The following IL4R variants were observed in gnomAD, a reference collection of about 807,000 sequenced individuals.
The protein encoded by IL4R is interleukin-4 receptor subunit alpha.
Under a neutral mutation model 41.5 loss-of-function variants are expected in IL4R, and 17 were observed. That is an observed-to-expected ratio of 0.41 (90% CI 0.28 to 0.61). The LOEUF is 0.61. Ranked by LOEUF, IL4R falls within the 20% of genes least tolerant of loss-of-function variation. IL4R has a pLI of 0.31. For synonymous variants in IL4R, 402 were observed against 422.9 expected, an observed-to-expected ratio of 0.95 and a Z score of 0.61; for missense variants, 974 against 1,043.1, an observed-to-expected ratio of 0.93 and a Z score of 0.91.
At chr16:27,332,012 C>T (rs2085123461) in intron 2 of IL4R, among the ~76,000 whole-genome samples, 1 of 151,962 alleles carries the variant, frequency 6.6e-6, no homozygotes, top group Non-Finnish European at 1.5e-5. Context: ...GGATCTTTCT[C>T]TGTTGCCCAG....
At chr16:27,336,045 A>G (rs1302208470) in intron 2 of IL4R, among the ~76,000 whole-genome samples, 1 of 152,148 alleles carries the variant, frequency 6.6e-6, no homozygotes. Flanking sequence ...GAGTGTGTTT[A>G]TGTGTCTCAT....
chr16:27,363,321 C>T lies in IL4R; in HGVS notation c.1969C>T (p.Leu657=). The T allele has an allele frequency of 1.2e-6, 2 of 1,612,766 alleles. No homozygotes were observed. Among genetic ancestry groups the T allele is most frequent in the South Asian group, 1.1e-5 (1 of 90,816 alleles). Residue 657 remains leucine (L), a synonymous_variant, in exon 11 of 11, where the codon CTG becomes TTG. Coordinates refer to ENST00000395762, the MANE Select transcript of IL4R (RefSeq NM_000418.4). ...CCCTGTCCCCTTGTTCACCTTTGGA[C>T]TGGACAGGGAGCCACCTCGCAGTCC... The part of the protein sequence containing the change: ...PVPVPLFTFG[L]DREPPRSPQS...
intron 1 of IL4R, among the ~76,000 whole-genome samples, chr16:27,320,363 T>C (rs1349510087): frequency 6.6e-6 from 1 of 152,220 alleles, no homozygotes; most frequent in Non-Finnish European, 1.5e-5. Context: ...ATACATGTAA[T>C]GTGCTTGAAT....
intron 1 of IL4R, among the ~76,000 whole-genome samples, chr16:27,328,788 G>A (rs1448891587): frequency 6.6e-6 from 1 of 152,060 alleles, no homozygotes; most frequent in Non-Finnish European, 1.5e-5. Context: ...ATATTGAGGT[G>A]GCTATTTCAC....
At chr16:27,352,720 A>G in intron 7 of IL4R, 24 bp downstream of exon 7, 2 of 1,609,486 alleles carry the variant, frequency 1.2e-6, no homozygotes, top group Non-Finnish European at 1.7e-6. Context: ...GGCCTAAGCA[A>G]TGGTAATCTC....
At position 27,345,487 on chromosome 16, in the gene IL4R, C is replaced by T; in HGVS notation, c.361+467C>T. 1 of 294,850 alleles carries T rather than the reference C, an allele frequency of 3.4e-6. No individual in the cohort carries two copies. The highest frequency in any genetic ancestry group is 8.2e-5 in the East Asian group (1 of 12,188). The allele number at this position is 294,850 out of a possible 1,614,324, so 18.3% of individuals were successfully genotyped here. A position where few individuals can be genotyped will look rare whatever the true frequency, so the allele number is the denominator to read the frequency against. On this transcript the variant is annotated intron_variant, in intron 5 of 10. Transcript: ENST00000395762. The surrounding 1 kb of genome is among the most constrained non-coding windows in gnomAD (Gnocchi z 4.5). ...GGGCTGTGGTGACAGGAGTTTAAAA[C>T]ATGCGTTGTATTCCAGTGATGCATG...
In IL4R at chr16:27,352,570, C is replaced by A; in HGVS notation, c.544C>A (p.Pro182Thr). The A allele has an allele frequency of 6.2e-7, 1 of 1,614,184 alleles. No homozygotes were observed. Residue 182 changes from proline to threonine, a missense_variant, in exon 7 of 11, where the codon CCC becomes ACC. By Grantham distance (38) the Pro-to-Thr change is conservative (BLOSUM62 -1). Around this residue, in one of 3 missense-constraint regions of IL4R, gnomAD observed 284 missense variants for 313.4 expected, o/e 0.91. Coordinates refer to ENST00000395762, the MANE Select transcript of IL4R (RefSeq NM_000418.4). Reference protein sequence around the residue: ...FRIYNVTYLEPSLRIAASTLK... With the variant: ...FRIYNVTYLETSLRIAASTLK... The stretch of plus-strand genomic sequence containing the variant: ...AATCTATAACGTGACCTACCTAGAA[C>A]CCTCCCTCCGCATCGCAGCCAGCAC...
At chr16:27,342,010 A>G (rs1277725658) in intron 3 of IL4R, 111 bp from the exon 4 acceptor site, 8 of 1,235,236 alleles carry the variant, frequency 6.5e-6, no homozygotes, top group Non-Finnish European at 7.9e-6. Context: ...GCTGGCCCTC[A>G]ACTTTGCCTG....
chr16:27,360,705 C>G (rs368332343), intron 9 of IL4R, 61 bp from the exon 10 acceptor site: 1 of 1,609,854 alleles, frequency 6.2e-7, no homozygotes, highest in Non-Finnish European at 8.5e-7. Context: ...TGAGCATTGC[C>G]GTACTCCAGG....
At chr16:27,351,469 A>T in intron 6 of IL4R, among the ~76,000 whole-genome samples, 1 of 148,158 alleles carries the variant, frequency 6.7e-6, no homozygotes, top group South Asian at 2.2e-4. Context: ...GGGCCATCTT[A>T]GGTTTGTCTG....
chr16:27,344,042 C>T (rs932272344), intron 4 of IL4R, among the ~76,000 whole-genome samples: 7 of 152,024 alleles, frequency 4.6e-5, no homozygotes, highest in Admixed American at 2.0e-4. Context: ...TGGTGGCTCG[C>T]GGCTGTAATC....
At position 27,347,549 on chromosome 16, in the gene IL4R, C is replaced by T. The variant is rs2085695020; in HGVS notation, c.513+931C>T. Among the ~76,000 whole-genome samples the T allele has an allele frequency of 3.3e-5, 5 of 152,216 alleles. No homozygotes were observed. In the South Asian group the frequency reaches 1.0e-3, roughly 32 times the overall value. ...TCTTTAAAAAGGGCGAGAGGATTTA[C>T]AGGAAACTATCAGGTCAGTAATGGC... is the stretch of plus-strand genomic sequence containing the variant. On this transcript the variant is annotated intron_variant, in intron 6 of 10. Transcript: ENST00000395762.
Position 27,314,009 on chromosome 16 carries a change from A to AGGGGCGCGCAGGTAGGATCC in IL4R, c.-157_-152+14dup, listed in dbSNP as rs2084546841. ...TGGGCGCCCGGACGGCGAATGGAGC[A>AGGGGCGCGCAGGTAGGATCC]GGGGCGCGCAGGTAGGATCCGGGGC... is the stretch of plus-strand genomic sequence containing the variant. On this transcript the variant is annotated 5_prime_UTR_variant, in exon 1 of 11. It removes the in-frame stop codon of an upstream open reading frame in the 5' UTR. Coordinates refer to ENST00000395762, the MANE Select transcript of IL4R (RefSeq NM_000418.4). 1.0e-6 allele frequency: 1 copy of AGGGGCGCGCAGGTAGGATCC among 984,526 alleles called. No homozygotes were observed. Among genetic ancestry groups the AGGGGCGCGCAGGTAGGATCC allele is most frequent in the African/African-American group, 1.8e-5 (1 of 57,010 alleles). 61.0% of individuals were successfully genotyped at this position (984,526 alleles called of 1,614,324 possible). A position where few individuals can be genotyped will look rare whatever the true frequency, so the allele number is the denominator to read the frequency against.
intron 7 of IL4R, 39 bp downstream of exon 7, chr16:27,352,735 C>A (rs779322387): frequency 6.3e-7 from 1 of 1,594,478 alleles, no homozygotes; most frequent in East Asian, 2.2e-5. Flanking sequence ...AATCTCCACT[C>A]TCCATTCTTC....
intron 1 of IL4R, among the ~76,000 whole-genome samples, chr16:27,329,195 C>T (rs56147358): frequency 6.6e-6 from 1 of 152,048 alleles, no homozygotes; most frequent in Non-Finnish European, 1.5e-5. Flanking sequence ...TTGCCTTCCC[C>T]GTGAATAAAA....
At chr16:27,314,369 C>CCTGCG (rs1455207060) in intron 1 of IL4R, 2 of 152,612 alleles carry the variant, frequency 1.3e-5, no homozygotes, top group Non-Finnish European at 2.9e-5. Flanking sequence ...GGCGCCCAGC[C>CCTGCG]CTGCGCTCAG....
At chr16:27,340,927 G>A in intron 3 of IL4R, 1 of 386,848 alleles carries the variant, frequency 2.6e-6, no homozygotes, top group East Asian at 6.2e-5. Context: ...TGGCGGGAGG[G>A]TTGAGCACAG....
chr16:27,317,256 T>G (rs751972687), intron 1 of IL4R, among the ~76,000 whole-genome samples: 2 of 152,228 alleles, frequency 1.3e-5, no homozygotes, highest in Non-Finnish European at 2.9e-5. Context: ...GGTTGGGATT[T>G]AGTCCACTCA....
At chr16:27,342,916 A>C (rs1371069718) in intron 4 of IL4R, among the ~76,000 whole-genome samples, 2 of 152,210 alleles carry the variant, frequency 1.3e-5, no homozygotes. Flanking sequence ...AGTGAGAGAG[A>C]GTGAAAAGGC....
Sources: gnomAD v4.1 joint callset for allele counts (sites outside exome capture counted in the v4.1 genomes callset) on GRCh38, gnomAD v4.1.1 for gene constraint, gnomAD v4.1.1 regional missense constraint, Gnocchi (gnomAD v3.1) non-coding constraint, MANE v1.5 for transcripts, NCBI Gene and HGNC (gene_info 2026-07-23, HGNC 2026-07-21) for gene names.